VPS8: variants seen among roughly 807,000 people sequenced by gnomAD.
VPS8 encodes vacuolar protein sorting-associated protein 8 homolog.
In VPS8, 129 loss-of-function variants were observed where a neutral mutation model predicts 216.4. The observed-to-expected ratio is 0.60, with a 90% CI of 0.52 to 0.69. The LOEUF (loss-of-function observed/expected upper bound fraction) is 0.69. Ranked by LOEUF, VPS8 falls within the 30% of genes least tolerant of loss-of-function variation. The pLI, the probability that VPS8 is intolerant of heterozygous loss-of-function variation, is 0.00. For missense variants in VPS8, 1,531 were observed against 1,683.5 expected, an observed-to-expected ratio of 0.91 and a Z score of 1.59; for synonymous variants, 571 against 565.4, an observed-to-expected ratio of 1.01 and a Z score of -0.14.
At chr3:184,840,871 C>G (rs1722018355) in intron 7 of VPS8, among the ~76,000 whole-genome samples, 2 of 152,116 alleles carry the variant, frequency 1.3e-5, no homozygotes, top group Admixed American at 6.5e-5. Flanking sequence ...TATGGATTAC[C>G]TGAGAATACT....
chr3:184,843,114 T>TC lies in VPS8; in HGVS notation c.536-123dup, dbSNP rs1022154961. 4 of 581,914 alleles carry TC rather than the reference T, an allele frequency of 6.9e-6. No individual in the cohort carries two copies. The African/African-American group carries it at 7.5e-5, about 11-fold the overall frequency. 36.0% of individuals were successfully genotyped at this position (581,914 alleles called of 1,614,324 possible). The stretch of plus-strand genomic sequence containing the variant: ...ATCACTTAATCAAATTTAGTATCAT[T>TC]CCCACAGATAACTAAAGCTTGTCAC... On this transcript the variant is annotated intron_variant, in intron 7 of 47. Transcript: ENST00000625842.
chr3:184,929,310 C>G (rs1404420154), intron 32 of VPS8, among the ~76,000 whole-genome samples: 3 of 152,194 alleles, frequency 2.0e-5, no homozygotes, highest in African/African-American at 7.2e-5. Context: ...CCTCCTGCCT[C>G]AGCTTCCGTA....
At chr3:184,916,402 T>C (rs1481149894) in intron 28 of VPS8, among the ~76,000 whole-genome samples, 9 of 152,134 alleles carry the variant, frequency 5.9e-5, no homozygotes, top group Non-Finnish European at 1.2e-4. Context: ...ATATACACAG[T>C]ATTTGGAGAA....
At chr3:184,993,350 T>A (rs528122971) in intron 42 of VPS8, among the ~76,000 whole-genome samples, 1 of 152,160 alleles carries the variant, frequency 6.6e-6, no homozygotes, top group Non-Finnish European at 1.5e-5. Context: ...TTGTTTTGTT[T>A]TTTGTTTTTT....
At chr3:184,895,378 G>A (rs1248771842) in intron 23 of VPS8, among the ~76,000 whole-genome samples, 1 of 151,918 alleles carries the variant, frequency 6.6e-6, no homozygotes, top group African/African-American at 2.4e-5. Flanking sequence ...TGTATGTCCA[G>A]AGTTTTGAAA....
At chr3:184,844,292 G>C (rs926186014) in intron 8 of VPS8, among the ~76,000 whole-genome samples, 3 of 152,028 alleles carry the variant, frequency 2.0e-5, no homozygotes, top group Admixed American at 6.6e-5. Flanking sequence ...ATGGTGGCAT[G>C]TGCCTGTAAT....
intron 47 of VPS8, among the ~76,000 whole-genome samples, chr3:185,050,324 G>C (rs984984627): frequency 2.6e-5 from 4 of 152,060 alleles, no homozygotes; most frequent in African/African-American, 9.7e-5. Context: ...CCCTGGAGTA[G>C]TGCTTGAGTC....
intron 45 of VPS8, among the ~76,000 whole-genome samples, chr3:185,010,303 T>C (rs569116697): frequency 6.6e-6 from 1 of 152,240 alleles, no homozygotes; most frequent in South Asian, 2.1e-4. Flanking sequence ...TATAAAAATA[T>C]CCAATACCCA....
At chr3:184,999,049 T>TTTTTTGG (rs1421807665) in intron 44 of VPS8, among the ~76,000 whole-genome samples, 1 of 151,718 alleles carries the variant, frequency 6.6e-6, no homozygotes, top group Non-Finnish European at 1.5e-5. Context: ...ACCTGGCTAA[T>TTTTTTGG]TTTTTGGTTT....
intron 46 of VPS8, among the ~76,000 whole-genome samples, chr3:185,035,544 A>T (rs1442699621): frequency 6.6e-6 from 1 of 152,190 alleles, no homozygotes; most frequent in Non-Finnish European, 1.5e-5. Context: ...AAAGTCTTTC[A>T]ATGAAATCCA....
At chr3:184,963,459 C>T (rs1746877364) in intron 37 of VPS8, among the ~76,000 whole-genome samples, 1 of 152,008 alleles carries the variant, frequency 6.6e-6, no homozygotes, top group Non-Finnish European at 1.5e-5. Flanking sequence ...CTCAAGATGA[C>T]CTTTCTATAT....
At chr3:184,947,860 G>C (rs1427842771) in intron 36 of VPS8, among the ~76,000 whole-genome samples, 2 of 152,064 alleles carry the variant, frequency 1.3e-5, no homozygotes, top group African/African-American at 4.8e-5. Context: ...TGTAACTTTA[G>C]CTTGCAGGGC....
intron 20 of VPS8, among the ~76,000 whole-genome samples, chr3:184,869,888 T>TA (rs559366918): frequency 2.0e-5 from 3 of 152,070 alleles, no homozygotes. Context: ...GACCTGTATC[T>TA]AAAAAAACAG....
At position 184,994,049 on chromosome 3, in the gene VPS8, T is replaced by A. The variant is rs769851711; in HGVS notation, c.3652T>A (p.Phe1218Ile). ...QGLILGMLDT[F>I]NYEQTLLETT... is the part of the protein sequence containing the mutation. ...ACTTATCTTGGGAATGTTAGATACC[T>A]TTAACTATGAACAAGTAAGTAAGCT... The change falls in exon 43 of 48, where the codon TTT (phenylalanine) becomes ATT (isoleucine). Residue 1218 changes from phenylalanine to isoleucine, a missense_variant. By Grantham distance (21) the Phe-to-Ile change is conservative. Around this residue, in one of 3 missense-constraint regions of VPS8, gnomAD observed 1,318 missense variants for 1,468.4 expected, o/e 0.90. Coordinates refer to ENST00000625842, the MANE Select transcript of VPS8 (RefSeq NM_001009921.3). The A allele has an allele frequency of 1.9e-6, 3 of 1,561,560 alleles. No individual in the cohort carries two copies. Among genetic ancestry groups the A allele is most frequent in the African/African-American group, 2.7e-5 (2 of 73,542 alleles).
intron 45 of VPS8, among the ~76,000 whole-genome samples, chr3:185,019,723 G>A (rs1224616603): frequency 5.3e-5 from 8 of 152,196 alleles, no homozygotes; most frequent in South Asian, 2.1e-4. Context: ...TGGCCATCAC[G>A]AGCATGTCAC....
chr3:184,821,168 A>G (rs1717496595), intron 1 of VPS8, among the ~76,000 whole-genome samples: 1 of 152,150 alleles, frequency 6.6e-6, no homozygotes, highest in Non-Finnish European at 1.5e-5. Flanking sequence ...AGCCCTGCAG[A>G]GTAGGTAGTT....
chr3:184,870,146 G>C (rs928556953), intron 20 of VPS8, among the ~76,000 whole-genome samples: 8 of 152,110 alleles, frequency 5.3e-5, no homozygotes, highest in Non-Finnish European at 1.2e-4. Context: ...ATGTGCAAAT[G>C]TTTGTGTTGC....
At chr3:184,908,288 A>G (rs1309450476) in intron 25 of VPS8, among the ~76,000 whole-genome samples, 1 of 152,184 alleles carries the variant, frequency 6.6e-6, no homozygotes, top group African/African-American at 2.4e-5. Context: ...TTGACACAGG[A>G]ATTTTCTCTC....
chr3:184,966,873 A>G (rs181182816), intron 39 of VPS8, among the ~76,000 whole-genome samples, 160 bp downstream of exon 39: 1 of 152,322 alleles, frequency 6.6e-6, no homozygotes, highest in East Asian at 1.9e-4. Context: ...CTAATTTTCA[A>G]GAGTTCACAA....
Sources: gnomAD v4.1 joint callset for allele counts (sites outside exome capture counted in the v4.1 genomes callset) on GRCh38, gnomAD v4.1.1 for gene constraint, gnomAD v4.1.1 regional missense constraint, MANE v1.5 for transcripts, NCBI Gene and HGNC (gene_info 2026-07-23, HGNC 2026-07-21) for gene names.